ZNF385D: variants seen among roughly 807,000 people sequenced by gnomAD.
ZNF385D encodes zinc finger protein 659.
A neutral mutation model predicts 35.8 loss-of-function variants in ZNF385D; 15 were observed. That is an observed-to-expected ratio of 0.42 (90% confidence interval 0.28 to 0.64). ZNF385D has a LOEUF of 0.64. ZNF385D is among the 30% of genes least tolerant of loss of function. The pLI is 0.23. For missense variants in ZNF385D, 474 were observed against 494.6 expected (o/e 0.96, Z 0.39); for synonymous variants, 212 against 186.8 (o/e 1.13, Z -1.10).
At chr3:21,973,378 T>TA (rs1446519169) in intron 3 of ZNF385D, among the ~76,000 whole-genome samples, 1 of 151,980 alleles carries the variant, frequency 6.6e-6, no homozygotes, top group Non-Finnish European at 1.5e-5. Context: ...TCCTTCATAA[T>TA]AAAAAACTCT....
chr3:21,867,082 G>C (rs57162917), intron 3 of ZNF385D, among the ~76,000 whole-genome samples: 2 of 152,080 alleles, frequency 1.3e-5, no homozygotes, highest in Non-Finnish European at 2.9e-5. Context: ...CTGAGATACG[G>C]TGTCTAGTGA....
At chr3:21,564,324 A>T (rs903267476) in intron 3 of ZNF385D, among the ~76,000 whole-genome samples, 3 of 152,166 alleles carry the variant, frequency 2.0e-5, no homozygotes, top group Non-Finnish European at 4.4e-5. Flanking sequence ...AGACTAAAAA[A>T]TAAATAAATA....
intron 2 of ZNF385D, among the ~76,000 whole-genome samples, chr3:22,216,212 T>C (rs1431748491): frequency 1.3e-5 from 2 of 152,000 alleles, no homozygotes; most frequent in African/African-American, 4.8e-5. Flanking sequence ...TTTCCTTATG[T>C]TAATAAAACA....
At chr3:22,227,908 T>C (rs1698656301) in intron 2 of ZNF385D, among the ~76,000 whole-genome samples, 1 of 152,102 alleles carries the variant, frequency 6.6e-6, no homozygotes, top group Non-Finnish European at 1.5e-5. Flanking sequence ...CTGCAAGGAG[T>C]ACCTCTGCTG....
At chr3:21,880,095 G>C (rs528596999) in intron 3 of ZNF385D, among the ~76,000 whole-genome samples, 2 of 151,974 alleles carry the variant, frequency 1.3e-5, no homozygotes, top group East Asian at 3.9e-4. Context: ...TATTTCAAAT[G>C]ACATTATGGT....
chr3:22,196,377 A>C (rs1277521578), intron 2 of ZNF385D, among the ~76,000 whole-genome samples: 1 of 152,026 alleles, frequency 6.6e-6, no homozygotes, highest in Non-Finnish European at 1.5e-5. Context: ...GCAACAATAG[A>C]AGTAGGATTG....
intron 4 of ZNF385D, among the ~76,000 whole-genome samples, chr3:21,499,026 G>C (rs1410855105): frequency 6.6e-6 from 1 of 151,582 alleles, no homozygotes; most frequent in Non-Finnish European, 1.5e-5. Context: ...ATATACTGTT[G>C]GTGGGAGTGT....
intron 3 of ZNF385D, among the ~76,000 whole-genome samples, chr3:21,995,382 T>C (rs1172715611): frequency 3.9e-5 from 6 of 152,052 alleles, no homozygotes; most frequent in African/African-American, 1.4e-4. Flanking sequence ...CCCCCGAGTG[T>C]GAACATGGGC....
chr3:22,112,430 A>G (rs1393920326), intron 3 of ZNF385D, among the ~76,000 whole-genome samples: 1 of 152,162 alleles, frequency 6.6e-6, no homozygotes, highest in Non-Finnish European at 1.5e-5. Flanking sequence ...GAGGACGTAA[A>G]AAGAATGACA....
intron 3 of ZNF385D, among the ~76,000 whole-genome samples, chr3:22,132,135 T>A (rs2860069): frequency 0.99 from 150,360 of 152,238 alleles, 74,261 homozygotes; most frequent in Middle Eastern, 1. Context: ...GTCCATGTCA[T>A]ATTCATTTGT....
intron 3 of ZNF385D, among the ~76,000 whole-genome samples, chr3:22,146,453 G>T (rs527328044): frequency 6.6e-6 from 1 of 152,188 alleles, no homozygotes; most frequent in African/African-American, 2.4e-5. Flanking sequence ...CTTAAAGATT[G>T]TGACTAGAAT....
At chr3:22,189,748 C>G (rs568001146) in intron 2 of ZNF385D, among the ~76,000 whole-genome samples, 1 of 152,210 alleles carries the variant, frequency 6.6e-6, no homozygotes, top group East Asian at 1.9e-4. Flanking sequence ...TAACAATAAG[C>G]CAAATTTAAA....
intron 4 of ZNF385D, among the ~76,000 whole-genome samples, chr3:21,503,404 TC>T (rs1706532379): frequency 6.6e-6 from 1 of 152,184 alleles, no homozygotes. Context: ...CTTCCAACCT[TC>T]CTTAGGAAAA....
intron 4 of ZNF385D, among the ~76,000 whole-genome samples, chr3:21,463,804 G>C (rs1263595014): frequency 6.6e-6 from 1 of 152,134 alleles, no homozygotes. Context: ...ATTATGGATA[G>C]AGCTGAATGT....
chr3:21,754,317 G>A (rs2070241764), upstream of ZNF385D, among the ~76,000 whole-genome samples: 1 of 152,084 alleles, frequency 6.6e-6, no homozygotes, highest in Non-Finnish European at 1.5e-5. Context: ...GAAGAATCTG[G>A]TTCACACCCT....
At chr3:21,720,688 G>A (rs772613399) in intron 1 of ZNF385D, among the ~76,000 whole-genome samples, 2 of 152,204 alleles carry the variant, frequency 1.3e-5, no homozygotes, top group Admixed American at 6.5e-5. Flanking sequence ...TTTGAGAAGA[G>A]TGACTTGGAG....
chr3:21,768,735 T>C (rs1252521982), intron 3 of ZNF385D, among the ~76,000 whole-genome samples: 1 of 152,036 alleles, frequency 6.6e-6, no homozygotes, highest in African/African-American at 2.4e-5. Context: ...GGGTAGTTAC[T>C]GCTGTTGTAC....
chr3:21,919,185 C>G (rs7430341), intron 3 of ZNF385D, among the ~76,000 whole-genome samples: 3 of 151,964 alleles, frequency 2.0e-5, no homozygotes, highest in South Asian at 2.1e-4. Context: ...CTTCATTCAT[C>G]CATTCATTCA....
At chr3:21,683,026 G>A (rs1263166600) in intron 1 of ZNF385D, among the ~76,000 whole-genome samples, 1 of 149,810 alleles carries the variant, frequency 6.7e-6, no homozygotes, top group Non-Finnish European at 1.5e-5. Context: ...ACAGACTTCT[G>A]ATGTCTTCCT....
Sources: allele counts gnomAD v4.1 joint callset (sites outside exome capture counted in the v4.1 genomes callset), GRCh38; gene constraint gnomAD v4.1.1; transcripts MANE v1.5; gene names NCBI Gene and HGNC (gene_info 2026-07-23, HGNC 2026-07-21).